Variants in GPC5 observed in about 807,000 individuals in gnomAD.
The protein encoded by GPC5 is glypican 5.
GPC5 carries 47 observed loss-of-function variants against 53.9 expected under a neutral mutation model. The observed-to-expected ratio is 0.87, with a 90% CI of 0.69 to 1.11. The LOEUF (loss-of-function observed/expected upper bound fraction) is 1.11. Among genes scored for constraint, GPC5 ranks in the 50% most tolerant of loss-of-function variants. GPC5 has a pLI of 0.00. For missense variants in GPC5, 748 were observed against 713.1 expected (o/e 1.05, Z -0.56); for synonymous variants, 286 against 263.3 (o/e 1.09, Z -0.84).
At chr13:91,697,436 T>C (rs2035903006) in intron 3 of GPC5, among the ~76,000 whole-genome samples, 2 of 152,142 alleles carry the variant, frequency 1.3e-5, no homozygotes, top group South Asian at 4.1e-4. Context: ...CCACCACGCC[T>C]GGCCTTCTCT....
chr13:92,453,702 G>A (rs1186808011), intron 7 of GPC5, among the ~76,000 whole-genome samples: 2 of 151,942 alleles, frequency 1.3e-5, no homozygotes, highest in South Asian at 2.1e-4. Flanking sequence ...AAATAATACC[G>A]GTATGTATTT....
intron 7 of GPC5, among the ~76,000 whole-genome samples, chr13:92,759,581 T>G (rs989448181): frequency 6.6e-6 from 1 of 152,116 alleles, no homozygotes; most frequent in African/African-American, 2.4e-5. Context: ...GCAATTTCAC[T>G]GAATTAATTT....
chr13:92,723,438 T>C (rs1459444849), intron 7 of GPC5, among the ~76,000 whole-genome samples: 2 of 127,056 alleles, frequency 1.6e-5, no homozygotes, highest in African/African-American at 5.2e-5. Context: ...GAGTTCACCA[T>C]TATTACAGCC....
chr13:92,202,662 T>C (rs2042303763), intron 7 of GPC5, among the ~76,000 whole-genome samples: 1 of 152,174 alleles, frequency 6.6e-6, no homozygotes, highest in Non-Finnish European at 1.5e-5. Flanking sequence ...GAAAATGTAG[T>C]GCAACATTTT....
intron 2 of GPC5, among the ~76,000 whole-genome samples, chr13:91,639,541 T>C (rs1308389525): frequency 2.0e-5 from 3 of 152,232 alleles, no homozygotes; most frequent in African/African-American, 2.4e-5. Flanking sequence ...TCTAAATATC[T>C]TCCCTGGAGT....
chr13:91,725,877 C>T (rs1419744676), intron 3 of GPC5, among the ~76,000 whole-genome samples: 1 of 151,766 alleles, frequency 6.6e-6, no homozygotes, highest in Non-Finnish European at 1.5e-5. Context: ...AGTTCCATAA[C>T]TTGCCTCAAA....
chr13:91,743,792 A>T (rs2036988739), intron 4 of GPC5, among the ~76,000 whole-genome samples: 1 of 152,178 alleles, frequency 6.6e-6, no homozygotes, highest in South Asian at 2.1e-4. Context: ...CTCCACCATG[A>T]TCTGTAGAAT....
chr13:92,636,076 A>G (rs1050135764), intron 7 of GPC5, among the ~76,000 whole-genome samples: 2 of 152,206 alleles, frequency 1.3e-5, no homozygotes, highest in African/African-American at 4.8e-5. Flanking sequence ...TCACTGTTCT[A>G]TGTGGGCCTC....
At chr13:92,106,275 G>C (rs2041509059) in intron 6 of GPC5, among the ~76,000 whole-genome samples, 1 of 151,836 alleles carries the variant, frequency 6.6e-6, no homozygotes, top group East Asian at 1.9e-4. Context: ...CAATTTCAAA[G>C]AATAAATAAA....
At chr13:92,047,026 T>C (rs1402107135) in intron 6 of GPC5, among the ~76,000 whole-genome samples, 1 of 152,194 alleles carries the variant, frequency 6.6e-6, no homozygotes, top group African/African-American at 2.4e-5. Context: ...AGAATTTATT[T>C]TTCCTCCCTA....
At chr13:91,753,056 G>T (rs756172021) in intron 4 of GPC5, among the ~76,000 whole-genome samples, 1 of 152,144 alleles carries the variant, frequency 6.6e-6, no homozygotes, top group Non-Finnish European at 1.5e-5. Flanking sequence ...GTATTAATTT[G>T]ATGACTATTT....
intron 6 of GPC5, chr13:91,994,833 GACA>G (rs1273702557): frequency 6.0e-5 from 9 of 148,786 alleles, no homozygotes; most frequent in Non-Finnish European, 1.3e-4. Flanking sequence ...TTAAAACAAC[GACA>G]ACAACAAAAA....
intron 2 of GPC5, among the ~76,000 whole-genome samples, chr13:91,469,646 AT>A (rs1024008022): frequency 2.6e-5 from 4 of 151,922 alleles, no homozygotes; most frequent in African/African-American, 7.3e-5. Flanking sequence ...AAGGTTATAT[AT>A]TTTTTCTATT....
chr13:92,466,483 G>A (rs564657054), intron 7 of GPC5, among the ~76,000 whole-genome samples: 74 of 152,154 alleles, frequency 4.9e-4, no homozygotes, highest in Admixed American at 3.3e-3. Context: ...CCATTACGGT[G>A]TAAGGAAAAT....
chr13:91,813,799 AT>A (rs1566278892), intron 5 of GPC5, among the ~76,000 whole-genome samples: 1 of 152,064 alleles, frequency 6.6e-6, no homozygotes, highest in Admixed American at 6.6e-5. Flanking sequence ...TAAGCATAGC[AT>A]TTTTTAAAGG....
At chr13:91,449,433 G>A (rs1360551681) in intron 2 of GPC5, among the ~76,000 whole-genome samples, 1 of 152,178 alleles carries the variant, frequency 6.6e-6, no homozygotes, top group East Asian at 1.9e-4. Context: ...TGCCATGGTG[G>A]TTTGCTGCAC....
Position 91,399,290 on chromosome 13 carries a change from G to A in GPC5, c.163+81G>A. 4 of 1,492,328 alleles carry A rather than the reference G, an allele frequency of 2.7e-6. No individual in the cohort carries two copies. In the Admixed American group the frequency reaches 6.1e-5, roughly 23 times the overall value. 92.4% of individuals were successfully genotyped at this position (1,492,328 alleles called of 1,614,324 possible). A position where few individuals can be genotyped will look rare whatever the true frequency, so the allele number is the denominator to read the frequency against. On this transcript the variant is annotated intron_variant, in intron 1 of 7. Coordinates refer to ENST00000377067, the MANE Select transcript of GPC5 (RefSeq NM_004466.6). The stretch of plus-strand genomic sequence containing the variant: ...CCCCCAGGCTCCCTTGGTGGCACTC[G>A]TGGGAAGATGACCTTTCGGGCCCTG...
chr13:92,635,508 ATTATT>A (rs1885381934), intron 7 of GPC5, among the ~76,000 whole-genome samples: 1 of 152,156 alleles, frequency 6.6e-6, no homozygotes, highest in Admixed American at 6.6e-5. Context: ...AGCTAAACTG[ATTATT>A]TTATCAGGAA....
intron 2 of GPC5, among the ~76,000 whole-genome samples, chr13:91,513,526 A>G (rs977271490): frequency 6.6e-6 from 1 of 152,112 alleles, no homozygotes; most frequent in African/African-American, 2.4e-5. Context: ...GGATCACCTG[A>G]GGTCAGGAGT....
Sources: gnomAD v4.1 joint callset for allele counts (sites outside exome capture counted in the v4.1 genomes callset) on GRCh38, gnomAD v4.1.1 for gene constraint, MANE v1.5 for transcripts, NCBI Gene and HGNC (gene_info 2026-07-23, HGNC 2026-07-21) for gene names.